Variants in FCHO2 observed in about 807,000 individuals in gnomAD.
FCHO2 encodes FCH and mu domain containing endocytic adaptor 2.
A neutral mutation model predicts 114.1 loss-of-function variants in FCHO2; 43 were observed. That is an observed-to-expected ratio of 0.38 (90% CI 0.30 to 0.49). The LOEUF (loss-of-function observed/expected upper bound fraction) is 0.49, where lower values mean the gene tolerates loss of function less well. Ranked by LOEUF, FCHO2 falls within the 20% of genes least tolerant of loss-of-function variation. The pLI is 0.97. For synonymous variants in FCHO2, 293 were observed against 315.2 expected, an observed-to-expected ratio of 0.93 and a Z score of 0.75; for missense variants, 807 against 950.4, an observed-to-expected ratio of 0.85 and a Z score of 1.98.
In FCHO2 at chr5:72,968,687, A is replaced by G. The variant is rs534298926; in HGVS notation, c.125+98A>G. 56 of 854,064 alleles carry G rather than the reference A, an allele frequency of 6.6e-5. 2 individuals are homozygous for G. The South Asian group carries it at 9.7e-4, about 15-fold the overall frequency. The allele number at this position is 854,064 out of a possible 1,614,324, so 52.9% of individuals were successfully genotyped here. ...AGAAAACTTTATTTGGATTTGGAAT[A>G]AAGTAATTGTTTTAAAATATGTACT... is the stretch of plus-strand genomic sequence containing the variant. On this transcript the variant is annotated intron_variant, in intron 2 of 25. Transcript: ENST00000430046.
intron 24 of FCHO2, among the ~76,000 whole-genome samples, chr5:73,085,934 C>T (rs1743294833): frequency 6.6e-6 from 1 of 151,702 alleles, no homozygotes; most frequent in African/African-American, 2.4e-5. Context: ...ACCAGCCTGG[C>T]CAATATGGTG....
chr5:73,070,183 A>C (rs1317448095), intron 19 of FCHO2, among the ~76,000 whole-genome samples: 2 of 152,144 alleles, frequency 1.3e-5, no homozygotes, highest in Non-Finnish European at 2.9e-5. Flanking sequence ...TGATAACCAC[A>C]GCCCTAATTA....
chr5:72,983,403 GAC>G (rs915117951), intron 2 of FCHO2, among the ~76,000 whole-genome samples: 17 of 151,290 alleles, frequency 1.1e-4, no homozygotes, highest in African/African-American at 4.1e-4. Context: ...TTTTTTTTGA[GAC>G]AGTGTCTTGT....
chr5:73,006,032 A>G (rs977748562), intron 5 of FCHO2, among the ~76,000 whole-genome samples: 2 of 152,126 alleles, frequency 1.3e-5, no homozygotes, highest in Admixed American at 6.6e-5. Flanking sequence ...GGTGGAGGAA[A>G]ATTCACAGCT....
intron 8 of FCHO2, among the ~76,000 whole-genome samples, chr5:73,023,455 AC>A (rs1755740233): frequency 6.6e-6 from 1 of 152,202 alleles, no homozygotes; most frequent in Non-Finnish European, 1.5e-5. Flanking sequence ...TAATCCCAGC[AC>A]TTTGGGAGGC....
chr5:73,068,893 T>A, intron 19 of FCHO2, 114 bp downstream of exon 19: 1 of 1,263,168 alleles, frequency 7.9e-7, no homozygotes, highest in Non-Finnish European at 1.0e-6. Context: ...AAATTTTGTT[T>A]TTCTGGAAAC....
chr5:73,077,524 A>G, intron 21 of FCHO2, 31 bp downstream of exon 21: 1 of 1,561,000 alleles, frequency 6.4e-7, no homozygotes, highest in Non-Finnish European at 8.7e-7. Context: ...GAAGGTTGAA[A>G]TTTCGTTTTA....
At chr5:73,087,782 T>C (rs369148205) in intron 25 of FCHO2, 29 bp downstream of exon 25, 15 of 1,537,906 alleles carry the variant, frequency 9.8e-6, no homozygotes, top group Admixed American at 8.8e-5. Flanking sequence ...AACTTTTTAA[T>C]GTACATGGGA....
At chr5:73,066,946 T>C (rs1742372239) in intron 18 of FCHO2, among the ~76,000 whole-genome samples, 1 of 152,012 alleles carries the variant, frequency 6.6e-6, no homozygotes, top group South Asian at 2.1e-4. Context: ...TAATTTAAAG[T>C]TTTCTAGTAG....
chr5:73,081,953 GA>G lies in FCHO2; in HGVS notation c.2153del (p.Asn718ThrfsTer15). 6.3e-7 allele frequency: 1 copy of G among 1,586,914 alleles called. No homozygotes were observed. Among genetic ancestry groups the G allele is most frequent in the Non-Finnish European group, 8.6e-7 (1 of 1,165,250 alleles). On this transcript the variant is annotated frameshift_variant, in exon 23 of 26. Transcript: ENST00000430046. LOFTEE classifies it high-confidence loss of function. Reference sequence around the variant, plus strand: ...TGGTACCAGTGGATGGAGGAGTAACGAACATGCAGTCCCTTCCCCCTGCAAT... The same window carrying G: ...TGGTACCAGTGGATGGAGGAGTAACGACATGCAGTCCCTTCCCCCTGCAAT... Reference protein sequence around the residue: ...VVVPVDGGVTNMQSLPPAIWN... With the variant: ...VVVPVDGGVTXMQSLPPAIWN...
At chr5:73,082,897 C>CA (rs1743167042) in intron 24 of FCHO2, 72 bp downstream of exon 24, 1 of 1,260,984 alleles carries the variant, frequency 7.9e-7, no homozygotes, top group Non-Finnish European at 1.1e-6. Context: ...TTTTTTAAAA[C>CA]AGAGTCTAGC....
intron 11 of FCHO2, among the ~76,000 whole-genome samples, chr5:73,050,427 T>A (rs1348178391): frequency 1.3e-5 from 2 of 152,048 alleles, no homozygotes; most frequent in Admixed American, 6.5e-5. Context: ...CAAGCAATTC[T>A]CCAGCCTCAG....
chr5:73,032,736 C>T (rs1303086361), intron 8 of FCHO2, among the ~76,000 whole-genome samples: 3 of 152,068 alleles, frequency 2.0e-5, no homozygotes, highest in African/African-American at 7.2e-5. Flanking sequence ...AGCGTGTGGC[C>T]TGAGCATTAG....
intron 2 of FCHO2, among the ~76,000 whole-genome samples, chr5:72,980,376 A>G (rs1413819880): frequency 6.6e-6 from 1 of 152,126 alleles, no homozygotes; most frequent in African/African-American, 2.4e-5. Flanking sequence ...TTATGTGGTC[A>G]GTTTTAGAAT....
intron 5 of FCHO2, among the ~76,000 whole-genome samples, chr5:72,998,348 G>A (rs1238812341): frequency 2.0e-5 from 3 of 151,950 alleles, no homozygotes; most frequent in Non-Finnish European, 1.5e-5. Context: ...TTAGCCAGGC[G>A]TGGTGGCGGG....
chr5:73,049,955 G>T (rs1757265016), intron 11 of FCHO2, among the ~76,000 whole-genome samples: 1 of 151,958 alleles, frequency 6.6e-6, no homozygotes. Context: ...TCATCAGTCA[G>T]CCCCAGCAGC....
chr5:73,009,427 AAG>A lies in FCHO2; in HGVS notation c.600+2881_600+2882del, dbSNP rs369652237. 4.1e-3 allele frequency among the ~76,000 whole-genome samples: 626 copies of A among 152,348 alleles called. 3 individuals are homozygous for A. The highest frequency in any genetic ancestry group is 0.014 in the African/African-American group (596 of 41,588). On this transcript the variant is annotated intron_variant, in intron 6 of 25. Transcript: ENST00000430046. The stretch of plus-strand genomic sequence containing the variant: ...TGTTTGTTGATGTTACTTTATAAAA[AAG>A]AGCGTTCAGCACATCTTTCCATTTC...
At chr5:72,988,302 G>T (rs1753643014) in intron 2 of FCHO2, among the ~76,000 whole-genome samples, 1 of 152,156 alleles carries the variant, frequency 6.6e-6, no homozygotes, top group South Asian at 2.1e-4. Context: ...GCTGGGTGTG[G>T]TGGCGGGTGC....
At chr5:73,068,326 C>G (rs1580196634) in intron 18 of FCHO2, among the ~76,000 whole-genome samples, 2 of 151,914 alleles carry the variant, frequency 1.3e-5, no homozygotes, top group African/African-American at 4.8e-5. Context: ...AAGTGAATAA[C>G]CCTTTTGGGA....
Sources: gnomAD v4.1 joint callset for allele counts (sites outside exome capture counted in the v4.1 genomes callset) on GRCh38, gnomAD v4.1.1 for gene constraint, MANE v1.5 for transcripts, NCBI Gene and HGNC (gene_info 2026-07-23, HGNC 2026-07-21) for gene names.